The following CDH4 variants were observed in gnomAD, a reference collection of about 807,000 sequenced individuals.
CDH4 encodes cadherin-4.
CDH4 carries 33 observed loss-of-function variants against 86.0 expected under a neutral mutation model. The observed-to-expected ratio is 0.38, with a 90% confidence interval of 0.29 to 0.51. The LOEUF is 0.51. Among genes scored for constraint, CDH4 ranks in the 20% least tolerant of loss-of-function variants. The pLI is 0.86. For synonymous variants in CDH4, 555 were observed against 549.4 expected, an observed-to-expected ratio of 1.01 and a Z score of -0.14; for missense variants, 1,114 against 1,307.4, an observed-to-expected ratio of 0.85 and a Z score of 2.28.
chr20:61,433,534 G>A (rs2085261203), intron 2 of CDH4, among the ~76,000 whole-genome samples: 1 of 151,664 alleles, frequency 6.6e-6, no homozygotes, highest in Non-Finnish European at 1.5e-5. Flanking sequence ...CTAGAATTTT[G>A]ACTGGGATTG....
chr20:61,586,375 G>T (rs2086475538), intron 2 of CDH4, among the ~76,000 whole-genome samples: 1 of 152,154 alleles, frequency 6.6e-6, no homozygotes, highest in Non-Finnish European at 1.5e-5. Flanking sequence ...AGCTCTTTAT[G>T]TGCATTAACT....
chr20:61,682,351 TGAATG>T (rs2087525159), intron 2 of CDH4, among the ~76,000 whole-genome samples: 1 of 128,098 alleles, frequency 7.8e-6, no homozygotes, highest in Admixed American at 7.9e-5. Context: ...GAGAGATAGA[TGAATG>T]GATGGATGGA....
chr20:61,886,806 G>A (rs1984563211), intron 7 of CDH4, among the ~76,000 whole-genome samples: 1 of 152,204 alleles, frequency 6.6e-6, no homozygotes, highest in South Asian at 2.1e-4. Flanking sequence ...TGCCACACGG[G>A]CCCTTGGAGG....
chr20:61,865,512 A>G (rs1310209061), intron 6 of CDH4, among the ~76,000 whole-genome samples: 1 of 150,172 alleles, frequency 6.7e-6, no homozygotes, highest in Non-Finnish European at 1.5e-5. Context: ...TAGTGTATGT[A>G]ATGGGTTAGT....
At chr20:61,678,249 A>T (rs2087468872) in intron 2 of CDH4, among the ~76,000 whole-genome samples, 1 of 152,124 alleles carries the variant, frequency 6.6e-6, no homozygotes, top group Admixed American at 6.5e-5. Context: ...GGATGGATAG[A>T]TAGATGGATG....
chr20:61,254,889 A>G lies in CDH4; in HGVS notation c.121A>G (p.Thr41Ala). 8.1e-6 allele frequency: 13 copies of G among 1,613,406 alleles called. No individual in the cohort carries two copies. Among genetic ancestry groups the G allele is most frequent in the Non-Finnish European group, 1.1e-5 (13 of 1,179,362 alleles). The change falls in exon 2 of 16, where the codon ACG becomes GCG. Residue 41 changes from threonine to alanine, a missense_variant. Thr to Ala is a moderately conservative substitution (Grantham distance 58, BLOSUM62 0). This residue lies in a region of CDH4 where 221 missense variants were observed against 209.5 expected (regional missense o/e 1.05). Transcript: ENST00000614565. ...CKAGFSEDDYTALISQNILEG... is the reference protein window; with the variant it reads ...CKAGFSEDDYAALISQNILEG... Reference sequence around the variant, plus strand: ...GGCTGGGTTCTCTGAAGATGATTACACGGCATTAATCTCCCAAAATATTCT... The same window carrying G: ...GGCTGGGTTCTCTGAAGATGATTACGCGGCATTAATCTCCCAAAATATTCT...
Position 61,295,632 on chromosome 20 carries a change from G to A in CDH4, c.169+40695G>A, listed in dbSNP as rs549170264. ...CGTCATCCTGCGGTTCATATTTCTC[G>A]GTGAGGAAACAGAGGTTGTAGAATG... On this transcript the variant is annotated intron_variant, in intron 2 of 15. Transcript: ENST00000614565. 5.9e-5 allele frequency among the ~76,000 whole-genome samples: 9 copies of A among 152,336 alleles called. No homozygotes were observed. The South Asian group carries it at 8.3e-4, about 14-fold the overall frequency.
intron 2 of CDH4, among the ~76,000 whole-genome samples, chr20:61,467,020 TA>T (rs1568855507): frequency 6.6e-6 from 1 of 152,262 alleles, no homozygotes; most frequent in Non-Finnish European, 1.5e-5. Context: ...TCACTGGTTT[TA>T]ATATTTGCCA....
At chr20:61,296,881 G>T (rs1369511500) in intron 2 of CDH4, among the ~76,000 whole-genome samples, 2 of 152,122 alleles carry the variant, frequency 1.3e-5, no homozygotes, top group African/African-American at 4.8e-5. Flanking sequence ...ATGGGTGGAT[G>T]GGTAGGTGGG....
chr20:61,848,914 C>G (rs964127779), intron 5 of CDH4, among the ~76,000 whole-genome samples: 1 of 152,194 alleles, frequency 6.6e-6, no homozygotes, highest in Non-Finnish European at 1.5e-5. Context: ...CATCCCACAT[C>G]GCCAGCATCT....
chr20:61,278,019 C>T (rs1455404498), intron 2 of CDH4, among the ~76,000 whole-genome samples: 5 of 152,184 alleles, frequency 3.3e-5, no homozygotes, highest in Non-Finnish European at 5.9e-5. Flanking sequence ...GTGAAAAGCA[C>T]GTCTGTTGCC....
chr20:61,465,865 CTT>C (rs202098908), intron 2 of CDH4, among the ~76,000 whole-genome samples: 14 of 137,818 alleles, frequency 1.0e-4, no homozygotes, highest in Admixed American at 2.2e-4. Flanking sequence ...ACTTTTTTTT[CTT>C]TTTTTTTTTT....
chr20:61,839,506 AGT>A (rs1203324110), intron 4 of CDH4, among the ~76,000 whole-genome samples: 11 of 135,118 alleles, frequency 8.1e-5, no homozygotes, highest in Non-Finnish European at 1.3e-4. Flanking sequence ...GTGTGTATTT[AGT>A]GTGTGTTGTG....
chr20:61,354,779 T>C (rs1320658905), intron 2 of CDH4, among the ~76,000 whole-genome samples: 1 of 152,106 alleles, frequency 6.6e-6, no homozygotes, highest in Non-Finnish European at 1.5e-5. Flanking sequence ...ACCAGCCCAG[T>C]TTTGATCCTA....
intron 2 of CDH4, among the ~76,000 whole-genome samples, chr20:61,419,811 G>A (rs943366441): frequency 3.3e-5 from 5 of 152,306 alleles, no homozygotes; most frequent in Admixed American, 1.3e-4. Flanking sequence ...GGACAGCCCC[G>A]TGGCTGGCAC....
chr20:61,908,247 T>TGCTG (rs1239556822), intron 8 of CDH4, among the ~76,000 whole-genome samples: 49 of 152,352 alleles, frequency 3.2e-4, no homozygotes, highest in African/African-American at 1.2e-3. Context: ...TTTTTAGGAA[T>TGCTG]GCTGACTCGG....
intron 4 of CDH4, among the ~76,000 whole-genome samples, chr20:61,812,615 T>C (rs963040046): frequency 6.6e-5 from 10 of 152,152 alleles, no homozygotes; most frequent in Non-Finnish European, 1.2e-4. Flanking sequence ...ACACATTCCC[T>C]GCCCCTGGTA....
At chr20:61,424,762 C>G (rs1236277677) in intron 2 of CDH4, among the ~76,000 whole-genome samples, 7 of 106,002 alleles carry the variant, frequency 6.6e-5, no homozygotes, top group African/African-American at 2.1e-4. Flanking sequence ...AGAGTGTCAT[C>G]CTGACACAGG....
At chr20:61,664,736 G>C (rs897978535) in intron 2 of CDH4, among the ~76,000 whole-genome samples, 1 of 152,228 alleles carries the variant, frequency 6.6e-6, no homozygotes. Flanking sequence ...CAGAGCCCAG[G>C]CTTCCACCTC....
Sources: gnomAD v4.1 joint callset for allele counts (sites outside exome capture counted in the v4.1 genomes callset) on GRCh38, gnomAD v4.1.1 for gene constraint, gnomAD v4.1.1 regional missense constraint, MANE v1.5 for transcripts, NCBI Gene and HGNC (gene_info 2026-07-23, HGNC 2026-07-21) for gene names.